MTX3: variants seen among roughly 807,000 people sequenced by gnomAD.
MTX3 encodes the protein metaxin 3.
MTX3 carries 27 observed loss-of-function variants against 42.5 expected under a neutral mutation model. The observed-to-expected ratio is 0.64, with a 90% CI of 0.47 to 0.88. MTX3 has a LOEUF of 0.88. Ranked by LOEUF, MTX3 falls within the 40% of genes least tolerant of loss-of-function variation. The pLI, the probability that MTX3 is intolerant of heterozygous loss-of-function variation, is 0.00. For missense variants in MTX3, 378 were observed against 367.0 expected, an observed-to-expected ratio of 1.03 and a Z score of -0.25; for synonymous variants, 144 against 132.9, an observed-to-expected ratio of 1.08 and a Z score of -0.57.
At chr5:79,990,444 T>G (rs1343829210) in intron 2 of MTX3, 150 bp downstream of exon 2, 1 of 675,150 alleles carries the variant, frequency 1.5e-6, no homozygotes, top group East Asian at 2.8e-5. Context: ...CTTTGAGGTA[T>G]TACTCAGAAT....
chr5:79,988,303 C>T lies in MTX3; in HGVS notation c.517G>A (p.Ala173Thr). 1 of 1,554,402 alleles carries T rather than the reference C, an allele frequency of 6.4e-7. No homozygotes were observed. Among genetic ancestry groups the T allele is most frequent in the Non-Finnish European group, 8.7e-7 (1 of 1,144,460 alleles). ...GATAGAAGATTTAGGCACTCCTTGG[C>T]ATCTCTGTATATCTAATAAGGATGA... ...REVEAQIYRD[A>T]KECLNLLSNR... The change falls in exon 6 of 9, where the codon GCC (alanine) becomes ACC (threonine). Residue 173 changes from alanine (A) to threonine (T), a missense_variant. Coordinates refer to ENST00000512528, the MANE Select transcript of MTX3 (RefSeq NM_001363818.2).
chr5:79,990,352 G>C lies in MTX3; in HGVS notation c.152-116C>G. 3 of 765,090 alleles carry C rather than the reference G, an allele frequency of 3.9e-6. No homozygotes were observed. The Admixed American group carries it at 1.0e-4, about 26-fold the overall frequency. 47.4% of individuals were successfully genotyped at this position (765,090 alleles called of 1,614,324 possible). A position where few individuals can be genotyped will look rare whatever the true frequency, so the allele number is the denominator to read the frequency against. ...TAGAGGGGAAAAAATGAGTAAGCTTGTCTTGGTTTTTTTGCTGTTTCACAA... is the reference window on the plus strand; with the variant it reads ...TAGAGGGGAAAAAATGAGTAAGCTTCTCTTGGTTTTTTTGCTGTTTCACAA... On this transcript the variant is annotated intron_variant, in intron 2 of 8. Coordinates refer to ENST00000512528, the MANE Select transcript of MTX3 (RefSeq NM_001363818.2).
Position 79,983,476 on chromosome 5 carries a change from T to G in MTX3, c.*208A>C. ...CCCCGCCCCCCCAACCAAGTTCATT[T>G]AGCATTCTCTTTGTTATTAAAAATG... On this transcript the variant is annotated 3_prime_UTR_variant, in exon 9 of 9. Transcript: ENST00000512528. The G allele has an allele frequency of 2.1e-6, 1 of 467,990 alleles. No individual in the cohort carries two copies. The highest frequency in any genetic ancestry group is 3.8e-6 in the Non-Finnish European group (1 of 265,308). 29.0% of individuals were successfully genotyped at this position (467,990 alleles called of 1,614,324 possible).
intron 6 of MTX3, 128 bp downstream of exon 6, chr5:79,988,111 C>A (rs540995436): frequency 1.1e-5 from 7 of 651,128 alleles, no homozygotes; most frequent in Non-Finnish European, 1.6e-5. Flanking sequence ...GCCACCACAC[C>A]GGCCTAAATC....
intron 7 of MTX3, among the ~76,000 whole-genome samples, chr5:79,985,874 A>T (rs1831477109): frequency 6.6e-6 from 1 of 151,762 alleles, no homozygotes; most frequent in Admixed American, 6.6e-5. Flanking sequence ...AAATTTATCC[A>T]CTAAGTAGAC....
chr5:79,976,948 G>C lies in MTX3; in HGVS notation c.*6736C>G, dbSNP rs1042584608. On this transcript the variant is annotated 3_prime_UTR_variant, in exon 9 of 9. Coordinates refer to ENST00000512528, the MANE Select transcript of MTX3 (RefSeq NM_001363818.2). The stretch of plus-strand genomic sequence containing the variant: ...GATTGTTTACTTTATAAAGAAGCTA[G>C]AGTAGTTGTGCAACTAGAACAGATG... 3 of 152,456 alleles carry C rather than the reference G, an allele frequency of 2.0e-5. No homozygotes were observed. Among genetic ancestry groups the C allele is most frequent in the Non-Finnish European group, 4.4e-5 (3 of 68,020 alleles). 9.4% of individuals were successfully genotyped at this position (152,456 alleles called of 1,614,324 possible).
Position 79,983,697 on chromosome 5 carries a change from C to T in MTX3, c.926G>A (p.Arg309Gln), listed in dbSNP as rs767683973. 8.1e-6 allele frequency: 13 copies of T among 1,613,016 alleles called. No homozygotes were observed. The highest frequency in any genetic ancestry group is 1.3e-5 in the African/African-American group (1 of 74,906). ...PAEEENNSFQRLSP is the reference protein window; with the variant it reads ...PAEEENNSFQQLSP ...CCATGACTACTCTCAGGGCGAAAGC[C>T]GTTGGAAGGAATTATTTTCTTCTTC... is the stretch of plus-strand genomic sequence containing the variant. The change falls in exon 9 of 9, where the codon CGG (arginine) becomes CAG (glutamine). Residue 309 changes from arginine to glutamine, a missense_variant. By Grantham distance (43) the Arg-to-Gln change is conservative (BLOSUM62 1). Coordinates refer to ENST00000512528, the MANE Select transcript of MTX3 (RefSeq NM_001363818.2).
rs1359185986 is a variant in MTX3 at position 79,978,199 on chromosome 5, A to C, written c.*5485T>G. ...GGCTAGAGGGGCACCCAACAACAAG[A>C]AACCTTTGTAATGAGTATGAACTAG... On this transcript the variant is annotated 3_prime_UTR_variant, in exon 9 of 9. Transcript: ENST00000512528. 1 of 152,226 alleles carries C rather than the reference A, an allele frequency of 6.6e-6. No homozygotes were observed. The highest frequency in any genetic ancestry group is 2.4e-5 in the African/African-American group (1 of 41,448). 9.4% of individuals were successfully genotyped at this position (152,226 alleles called of 1,614,324 possible).
intron 2 of MTX3, 105 bp from the exon 3 acceptor site, chr5:79,990,341 T>C (rs1831610910): frequency 3.8e-6 from 3 of 780,432 alleles, no homozygotes; most frequent in Admixed American, 3.3e-5. Context: ...GGGGAAAAAA[T>C]GAGTAAGCTT....
intron 4 of MTX3, among the ~76,000 whole-genome samples, chr5:79,988,885 A>AT (rs1831560354): frequency 6.9e-6 from 1 of 144,978 alleles, no homozygotes; most frequent in Non-Finnish European, 1.6e-5. Context: ...CATTTGTTGA[A>AT]TGAATGAATT....
chr5:79,990,281 CCT>C (rs777476450), intron 2 of MTX3, 45 bp from the exon 3 acceptor site: 7 of 1,300,976 alleles, frequency 5.4e-6, no homozygotes, highest in Non-Finnish European at 7.5e-6. Context: ...AGTGTGATTT[CCT>C]CTGAGAGATT....
Position 79,988,238 on chromosome 5 carries a change from C to T in MTX3, c.581+1G>A, listed in dbSNP as rs1831542950. The stretch of plus-strand genomic sequence containing the variant: ...AAAATGATTTTTAAGGGAATACTCA[C>T]GTATCTCCAAAGAAAAACTGAGATG... On this transcript the variant is annotated splice_donor_variant, in intron 6 of 8. Transcript: ENST00000512528. LOFTEE classifies it high-confidence loss of function. 3.3e-6 allele frequency: 5 copies of T among 1,514,342 alleles called. No homozygotes were observed. Among genetic ancestry groups the T allele is most frequent in the Middle Eastern group, 1.7e-4 (1 of 5,912 alleles). The allele number at this position is 1,514,342 out of a possible 1,614,324, so 93.8% of individuals were successfully genotyped here.
In MTX3 at chr5:79,981,256, C is replaced by T. The variant is rs1460000833; in HGVS notation, c.*2428G>A. ...GTACTTTGTGCTCAGTTACAGCTTC[C>T]TGTCATCTCATTTACTTATACATAA... On this transcript the variant is annotated 3_prime_UTR_variant, in exon 9 of 9. Coordinates refer to ENST00000512528, the MANE Select transcript of MTX3 (RefSeq NM_001363818.2). The T allele has an allele frequency of 6.6e-6, 1 of 152,268 alleles. No individual in the cohort carries two copies. The highest frequency in any genetic ancestry group is 2.1e-4 in the South Asian group (1 of 4,828). 9.4% of individuals were successfully genotyped at this position (152,268 alleles called of 1,614,324 possible).
chr5:79,991,049 G>A (rs1347083503), intron 1 of MTX3, 109 bp downstream of exon 1: 4 of 1,120,716 alleles, frequency 3.6e-6, no homozygotes, highest in African/African-American at 1.5e-5. Context: ...AGCGTGCAGC[G>A]GCTCGGCCCT....
intron 1 of MTX3, 125 bp from the exon 2 acceptor site, chr5:79,990,788 C>G: frequency 6.3e-6 from 5 of 787,424 alleles, no homozygotes; most frequent in East Asian, 2.7e-5. Context: ...CGCATCCCTC[C>G]CCGTGATCTC....
intron 7 of MTX3, chr5:79,986,591 T>G: frequency 2.7e-6 from 1 of 371,804 alleles, no homozygotes; most frequent in South Asian, 2.0e-5. Flanking sequence ...AAAAATCATT[T>G]AAAGTAATTG....
In MTX3 at chr5:79,981,675, A is replaced by G. The variant is rs1361429533; in HGVS notation, c.*2009T>C. 1 of 152,152 alleles carries G rather than the reference A, an allele frequency of 6.6e-6. No individual in the cohort carries two copies. Among genetic ancestry groups the G allele is most frequent in the African/African-American group, 2.4e-5 (1 of 41,464 alleles). 9.4% of individuals were successfully genotyped at this position (152,152 alleles called of 1,614,324 possible). A position where few individuals can be genotyped will look rare whatever the true frequency, so the allele number is the denominator to read the frequency against. On this transcript the variant is annotated 3_prime_UTR_variant, in exon 9 of 9. Coordinates refer to ENST00000512528, the MANE Select transcript of MTX3 (RefSeq NM_001363818.2). Reference sequence around the variant, plus strand: ...CTAGCATTATCTTTTGACTTTGCCCATGGAGAAACTTGGAGTTAAATTTAC... The same window carrying G: ...CTAGCATTATCTTTTGACTTTGCCCGTGGAGAAACTTGGAGTTAAATTTAC...
Position 79,983,695 on chromosome 5 carries a change from G to A in MTX3, c.928C>T (p.Leu310Phe). 6.2e-7 allele frequency: 1 copy of A among 1,612,962 alleles called. No homozygotes were observed. Among genetic ancestry groups the A allele is most frequent in the Non-Finnish European group, 8.5e-7 (1 of 1,178,892 alleles). ...AACCATGACTACTCTCAGGGCGAAAGCCGTTGGAAGGAATTATTTTCTTCT... is the reference window on the plus strand; with the variant it reads ...AACCATGACTACTCTCAGGGCGAAAACCGTTGGAAGGAATTATTTTCTTCT... ...AEEENNSFQR[L>F]SP The change falls in exon 9 of 9, where the codon CTT becomes TTT. Residue 310 changes from leucine (L) to phenylalanine (F), a missense_variant. Physicochemically the swap from Leu to Phe is conservative, Grantham distance 22. Transcript: ENST00000512528.
In MTX3 at chr5:79,990,515, T is replaced by C. The variant is rs144532802; in HGVS notation, c.151+79A>G. On this transcript the variant is annotated intron_variant, in intron 2 of 8. Transcript: ENST00000512528. ...GTAAGAAACTAAATCCTCAATATTATAGCTATATACCTCACAGCTTTAAAT... is the reference window on the plus strand; with the variant it reads ...GTAAGAAACTAAATCCTCAATATTACAGCTATATACCTCACAGCTTTAAAT... 554 of 914,304 alleles carry C rather than the reference T, an allele frequency of 6.1e-4. 5 individuals carry two copies. In the African/African-American group the frequency reaches 8.5e-3, roughly 14 times the overall value. 56.6% of individuals were successfully genotyped at this position (914,304 alleles called of 1,614,324 possible).
Sources: gnomAD v4.1 joint callset for allele counts (sites outside exome capture counted in the v4.1 genomes callset) on GRCh38, gnomAD v4.1.1 for gene constraint, MANE v1.5 for transcripts, NCBI Gene and HGNC (gene_info 2026-07-23, HGNC 2026-07-21) for gene names.